The following PLCB1 variants were observed in gnomAD, a reference collection of about 807,000 sequenced individuals.
PLCB1 encodes phospholipase C beta 1.
In PLCB1, 46 loss-of-function variants were observed where a neutral mutation model predicts 161.8. The ratio of observed to expected loss-of-function variants is 0.28; its 90% CI spans 0.22 to 0.36. The LOEUF is 0.36. PLCB1 is among the 10% of genes least tolerant of loss of function. The probability of loss-of-function intolerance (pLI) is 1.00; values close to 1 mark genes in which losing one functional copy is unlikely to be tolerated. For missense variants in PLCB1, 1,016 were observed against 1,472.5 expected (o/e 0.69, Z 5.07); for synonymous variants, 517 against 503.7 (o/e 1.03, Z -0.35).
At chr20:8,583,037 A>G (rs779230953) in intron 3 of PLCB1, among the ~76,000 whole-genome samples, 1 of 86,312 alleles carries the variant, frequency 1.2e-5, no homozygotes, top group Non-Finnish European at 2.3e-5. Flanking sequence ...ATGCTCCAAC[A>G]TTGATGAACC....
intron 31 of PLCB1, among the ~76,000 whole-genome samples, chr20:8,810,071 G>A (rs946769659): frequency 6.6e-6 from 1 of 152,138 alleles, no homozygotes; most frequent in Non-Finnish European, 1.5e-5. Flanking sequence ...GTAAACAGCA[G>A]TTTCCAGATT....
chr20:8,277,680 A>G (rs1268366424), intron 2 of PLCB1, among the ~76,000 whole-genome samples: 2 of 152,198 alleles, frequency 1.3e-5, no homozygotes, highest in African/African-American at 4.8e-5. Flanking sequence ...CAGAACTAAT[A>G]TAGTTGATAC....
chr20:8,344,759 G>A (rs928139163), intron 2 of PLCB1, among the ~76,000 whole-genome samples: 3 of 152,202 alleles, frequency 2.0e-5, no homozygotes, highest in Admixed American at 6.5e-5. Flanking sequence ...AACTCACAAA[G>A]GCAATTGACT....
intron 14 of PLCB1, 103 bp downstream of exon 14, chr20:8,717,951 G>C: frequency 1.0e-6 from 1 of 996,964 alleles, no homozygotes; most frequent in Non-Finnish European, 1.4e-6. Flanking sequence ...ACTACTTTTG[G>C]AGGCTGAGGC....
chr20:8,840,028 C>T (rs1202703238), intron 31 of PLCB1, among the ~76,000 whole-genome samples: 1 of 131,246 alleles, frequency 7.6e-6, no homozygotes. Flanking sequence ...GAAACTCTGT[C>T]TCAGAAAAAA....
chr20:8,270,999 C>T (rs374495622), intron 2 of PLCB1, among the ~76,000 whole-genome samples: 2 of 152,100 alleles, frequency 1.3e-5, no homozygotes, highest in Admixed American at 6.6e-5. Context: ...TACCAACCCC[C>T]GTGCTGCTTA....
intron 2 of PLCB1, among the ~76,000 whole-genome samples, chr20:8,174,912 T>G (rs1252828338): frequency 6.6e-6 from 1 of 151,272 alleles, no homozygotes; most frequent in Non-Finnish European, 1.5e-5. Context: ...AATAATAAAA[T>G]AAATAAAAAA....
chr20:8,771,191 T>A (rs953588144), intron 26 of PLCB1, among the ~76,000 whole-genome samples: 6 of 152,162 alleles, frequency 3.9e-5, no homozygotes, highest in African/African-American at 9.7e-5. Context: ...TTCACTTTTT[T>A]AAAAAAGAAT....
At chr20:8,207,604 G>A (rs1873052177) in intron 2 of PLCB1, among the ~76,000 whole-genome samples, 1 of 151,810 alleles carries the variant, frequency 6.6e-6, no homozygotes, top group African/African-American at 2.4e-5. Flanking sequence ...TTTAAGACAC[G>A]AGATCTTGGT....
chr20:8,254,734 C>T (rs1454821615), intron 2 of PLCB1, among the ~76,000 whole-genome samples: 1 of 151,960 alleles, frequency 6.6e-6, no homozygotes. Flanking sequence ...ATGTATGCCT[C>T]TTCCAGAAGA....
At chr20:8,564,495 T>A (rs546385946) in intron 3 of PLCB1, among the ~76,000 whole-genome samples, 1 of 152,222 alleles carries the variant, frequency 6.6e-6, no homozygotes, top group African/African-American at 2.4e-5. Flanking sequence ...GGGACCTAAT[T>A]AAACTAAAGA....
intron 9 of PLCB1, among the ~76,000 whole-genome samples, chr20:8,673,500 G>GC (rs1287051353): frequency 3.3e-5 from 5 of 152,318 alleles, no homozygotes; most frequent in Non-Finnish European, 5.9e-5. Flanking sequence ...TTAGGACTCA[G>GC]CCCCCCAAAT....
intron 3 of PLCB1, among the ~76,000 whole-genome samples, chr20:8,606,799 G>A (rs1042171980): frequency 4.6e-5 from 7 of 152,076 alleles, no homozygotes; most frequent in Non-Finnish European, 8.8e-5. Flanking sequence ...AAACCTTTAT[G>A]AGCCCTAAAC....
intron 26 of PLCB1, among the ~76,000 whole-genome samples, chr20:8,769,029 T>C (rs1257137859): frequency 1.3e-5 from 2 of 152,212 alleles, no homozygotes; most frequent in Non-Finnish European, 2.9e-5. Flanking sequence ...ACAGCATTAA[T>C]TTTTACATAA....
intron 3 of PLCB1, among the ~76,000 whole-genome samples, chr20:8,561,139 T>G (rs1471117029): frequency 1.3e-5 from 2 of 151,908 alleles, no homozygotes; most frequent in African/African-American, 4.8e-5. Flanking sequence ...CCAGGTAGAA[T>G]GCTGAAGACC....
chr20:8,202,382 T>G (rs1442335846), intron 2 of PLCB1, among the ~76,000 whole-genome samples: 1 of 152,074 alleles, frequency 6.6e-6, no homozygotes, highest in Non-Finnish European at 1.5e-5. Context: ...GCCTATAATG[T>G]TTTTTTTACA....
At chr20:8,716,669 C>T (rs1232104030) in intron 13 of PLCB1, among the ~76,000 whole-genome samples, 1 of 152,156 alleles carries the variant, frequency 6.6e-6, no homozygotes, top group African/African-American at 2.4e-5. Context: ...CAGGGAACCT[C>T]GTCACACCTC....
At chr20:8,401,975 A>G (rs1007361459) in intron 3 of PLCB1, among the ~76,000 whole-genome samples, 1 of 152,174 alleles carries the variant, frequency 6.6e-6, no homozygotes, top group Non-Finnish European at 1.5e-5. Flanking sequence ...CTTATTGCAT[A>G]ACCTATTTTT....
chr20:8,216,046 TTTGTTAAAATTAGC>T (rs993808211), intron 2 of PLCB1, among the ~76,000 whole-genome samples: 2 of 151,930 alleles, frequency 1.3e-5, no homozygotes, highest in African/African-American at 2.4e-5. Context: ...TGTTGAGGAG[TTTGTTAAAATTAGC>T]TGATATTTTA....
Sources: allele counts gnomAD v4.1 joint callset (sites outside exome capture counted in the v4.1 genomes callset), GRCh38; gene constraint gnomAD v4.1.1; transcripts MANE v1.5; gene names NCBI Gene and HGNC (gene_info 2026-07-23, HGNC 2026-07-21).